FOXR1: variants seen among roughly 807,000 people sequenced by gnomAD.
The protein encoded by FOXR1 is forkhead box protein R1.
FOXR1 carries 25 observed loss-of-function variants against 34.5 expected under a neutral mutation model. The ratio of observed to expected loss-of-function variants is 0.72; its 90% CI spans 0.53 to 1.01. FOXR1 has a LOEUF of 1.01. Ranked by LOEUF, FOXR1 falls within the 50% of genes least tolerant of loss-of-function variation. The pLI, the probability that FOXR1 is intolerant of heterozygous loss-of-function variation, is 0.00. For missense variants in FOXR1, 373 were observed against 376.2 expected (o/e 0.99, Z 0.07); for synonymous variants, 153 against 141.6 (o/e 1.08, Z -0.57).
At chr11:118,976,893 C>A (rs1248528685) in intron 1 of FOXR1, among the ~76,000 whole-genome samples, 1 of 152,058 alleles carries the variant, frequency 6.6e-6, no homozygotes, top group Admixed American at 6.6e-5. Context: ...ATCATTTGTC[C>A]ATTTCTAAGT....
At chr11:118,972,068 A>ACT (rs1941711929) in intron 1 of FOXR1, 76 bp downstream of exon 1, 19 of 1,260,414 alleles carry the variant, frequency 1.5e-5, no homozygotes, top group Admixed American at 5.8e-5. Context: ...ACCCCGGGGC[A>ACT]GACGGCTCCC....
intron 3 of FOXR1, 106 bp from the exon 4 acceptor site, chr11:118,979,336 G>A (rs1941822041): frequency 6.7e-7 from 1 of 1,489,924 alleles, no homozygotes; most frequent in Non-Finnish European, 9.0e-7. Flanking sequence ...TGCTTGGGTT[G>A]GGGAGAAGCC....
chr11:118,972,057 G>A, intron 1 of FOXR1, 65 bp downstream of exon 1: 1 of 1,331,238 alleles, frequency 7.5e-7, no homozygotes, highest in Non-Finnish European at 9.8e-7. Flanking sequence ...GGGCTCGCGG[G>A]ACCCCGGGGC....
chr11:118,975,414 TTTC>T (rs1311706136), intron 1 of FOXR1, among the ~76,000 whole-genome samples: 2 of 151,534 alleles, frequency 1.3e-5, no homozygotes, highest in African/African-American at 4.8e-5. Context: ...TTTCTTTTTC[TTTC>T]TTCTTTTTTT....
rs368773953 is a variant in FOXR1, at chr11:118,980,605, A to G, written c.727A>G (p.Ser243Gly). Residue 243 changes from serine (S) to glycine (G), a missense_variant, in exon 5 of 6, where the codon AGC (serine) becomes GGC (glycine). Transcript: ENST00000317011. ...KVPVSMQGGA[S>G]TRPRSCLWKL... ...GCCTGTCAGCATGCAGGGCGGGGCC[A>G]GCACACGGCCTCGATCTTGCCTCTG... The G allele has an allele frequency of 4.3e-6, 7 of 1,614,160 alleles. No individual in the cohort carries two copies. In the African/African-American group the frequency reaches 5.3e-5, roughly 12 times the overall value.
intron 1 of FOXR1, 57 bp downstream of exon 1, chr11:118,972,049 G>A: frequency 1.4e-6 from 2 of 1,429,882 alleles, no homozygotes; most frequent in South Asian, 1.2e-5. Flanking sequence ...TGGCCTAGGG[G>A]CTCGCGGGAC....
intron 3 of FOXR1, 105 bp from the exon 4 acceptor site, chr11:118,979,337 G>A: frequency 6.7e-7 from 1 of 1,490,358 alleles, no homozygotes; most frequent in Non-Finnish European, 9.0e-7. Context: ...GCTTGGGTTG[G>A]GGAGAAGCCC....
chr11:118,975,481 C>T (rs1941768834), intron 1 of FOXR1, among the ~76,000 whole-genome samples: 1 of 141,202 alleles, frequency 7.1e-6, no homozygotes, highest in Non-Finnish European at 1.6e-5. Context: ...GCAGTGGCAC[C>T]AGCACAGCTC....
rs1362955580 is a variant in FOXR1 at position 118,980,634 on chromosome 11, G to A, written c.756G>A (p.Lys252=). The A allele has an allele frequency of 6.8e-6, 11 of 1,614,208 alleles. No homozygotes were observed. The highest frequency in any genetic ancestry group is 9.3e-6 in the Non-Finnish European group (11 of 1,180,050). Reference sequence around the variant, plus strand: ...CACGGCCTCGATCTTGCCTCTGGAAGTTGACCGAGGAGGGACACCGCCGCT... The same window carrying A: ...CACGGCCTCGATCTTGCCTCTGGAAATTGACCGAGGAGGGACACCGCCGCT... ...ASTRPRSCLW[K]LTEEGHRRFA... The change falls in exon 5 of 6, where the codon AAG becomes AAA. Residue 252 remains lysine (K), a synonymous_variant. Transcript: ENST00000317011.
chr11:118,974,992 G>A (rs1941761852), intron 1 of FOXR1, among the ~76,000 whole-genome samples: 1 of 152,148 alleles, frequency 6.6e-6, no homozygotes, highest in Admixed American at 6.6e-5. Context: ...TTGGATACAT[G>A]AGCCTGGAGT....
At chr11:118,972,034 G>GT in intron 1 of FOXR1, 42 bp downstream of exon 1, 2 of 1,283,332 alleles carry the variant, frequency 1.6e-6, no homozygotes, top group Non-Finnish European at 2.0e-6. Flanking sequence ...GGGCGTGGCG[G>GT]AGGGTGGCCT....
intron 5 of FOXR1, 146 bp from the exon 6 acceptor site, chr11:118,981,062 T>C: frequency 1.3e-6 from 1 of 794,082 alleles, no homozygotes; most frequent in South Asian, 1.5e-5. Flanking sequence ...CTACTTTCCC[T>C]GGAGCAGTGC....
In FOXR1 at chr11:118,979,163, C is replaced by T. The variant is rs1164354182; in HGVS notation, c.343C>T (p.Pro115Ser). The T allele has an allele frequency of 1.9e-6, 3 of 1,551,924 alleles. No individual in the cohort carries two copies. The highest frequency in any genetic ancestry group is 2.6e-6 in the Non-Finnish European group (3 of 1,153,126). The change falls in exon 3 of 6, where the codon CCC becomes TCC. Residue 115 changes from proline to serine, a missense_variant. Physicochemically the swap from Pro to Ser is moderately conservative, Grantham distance 74. Coordinates refer to ENST00000317011, the MANE Select transcript of FOXR1 (RefSeq NM_181721.3). Reference sequence around the variant, plus strand: ...GTCCCAGTCCTCCAGCAAGCGGTCTCCCCCTCGGAAGCGGTTTGCCTTTTC... The same window carrying T: ...GTCCCAGTCCTCCAGCAAGCGGTCTTCCCCTCGGAAGCGGTTTGCCTTTTC... ...SLSQSSSKRS[P>S]PRKRFAFSPS...
Position 118,971,825 on chromosome 11 carries a change from TCCGCGCCG to T in FOXR1, c.-99_-92del, listed in dbSNP as rs1001963865. On this transcript the variant is annotated 5_prime_UTR_variant, in exon 1 of 6. Coordinates refer to ENST00000317011, the MANE Select transcript of FOXR1 (RefSeq NM_181721.3). Reference sequence around the variant, plus strand: ...CCGCGCTCCCACTCCGCGTCCCCACTCCGCGCCGCCGCGCCTCTGCCAGCCCCGAAGGT... The same window carrying T: ...CCGCGCTCCCACTCCGCGTCCCCACTCCGCGCCTCTGCCAGCCCCGAAGGT... The T allele has an allele frequency of 6.3e-6, 8 of 1,271,856 alleles. No homozygotes were observed. The highest frequency in any genetic ancestry group is 3.6e-4 in the Middle Eastern group (2 of 5,504). The allele number at this position is 1,271,856 out of a possible 1,614,324, so 78.8% of individuals were successfully genotyped here.
intron 5 of FOXR1, 129 bp downstream of exon 5, chr11:118,980,857 T>A: frequency 2.2e-6 from 2 of 921,384 alleles, no homozygotes; most frequent in Non-Finnish European, 3.2e-6. Context: ...ACAGGGAGAT[T>A]AACAGTGATC....
chr11:118,973,592 G>C (rs1283625984), intron 1 of FOXR1, among the ~76,000 whole-genome samples: 1 of 151,934 alleles, frequency 6.6e-6, no homozygotes, highest in Non-Finnish European at 1.5e-5. Flanking sequence ...TAAAGACGGG[G>C]ATTCCCTGTG....
chr11:118,975,669 A>G (rs547786852), intron 1 of FOXR1, among the ~76,000 whole-genome samples: 1 of 152,240 alleles, frequency 6.6e-6, no homozygotes, highest in East Asian at 1.9e-4. Flanking sequence ...TGACCCAACA[A>G]AGACAAAAAA....
Position 118,972,291 on chromosome 11 carries a change from G to C in FOXR1, c.61+299G>C, listed in dbSNP as rs574870239. ...TAAAAACGGAGGCTTTCCACTCTAC[G>C]TCACCCGCCAGGCTCCCAGAACATT... On this transcript the variant is annotated intron_variant, in intron 1 of 5. Transcript: ENST00000317011. Among the ~76,000 whole-genome samples, 3 of 152,122 alleles carry C rather than the reference G, an allele frequency of 2.0e-5. No homozygotes were observed. The South Asian group carries it at 6.2e-4, about 32-fold the overall frequency.
intron 1 of FOXR1, among the ~76,000 whole-genome samples, chr11:118,972,555 A>G (rs1941724147): frequency 6.6e-6 from 1 of 151,536 alleles, no homozygotes; most frequent in Non-Finnish European, 1.5e-5. Flanking sequence ...TGGAGAGTTG[A>G]CATAATTACT....
Sources: gnomAD v4.1 joint callset for allele counts (sites outside exome capture counted in the v4.1 genomes callset) on GRCh38, gnomAD v4.1.1 for gene constraint, MANE v1.5 for transcripts, NCBI Gene and HGNC (gene_info 2026-07-23, HGNC 2026-07-21) for gene names.